The following ADAM33 variants were observed in gnomAD, a reference collection of about 807,000 sequenced individuals.
ADAM33 encodes the protein ADAM metallopeptidase domain 33, also known as disintegrin and metalloproteinase domain-containing protein 33.
ADAM33 carries 103 observed loss-of-function variants against 106.2 expected under a neutral mutation model. That is an observed-to-expected ratio of 0.97 (90% CI 0.83 to 1.14). The LOEUF is 1.14. ADAM33 is among the 50% of genes most tolerant of loss of function. The pLI is 0.00. For synonymous variants in ADAM33, 483 were observed against 453.0 expected (o/e 1.07, Z -0.84); for missense variants, 1,120 against 1,096.6 (o/e 1.02, Z -0.30).
Position 3,674,206 on chromosome 20 carries a change from G to A in ADAM33, c.666+13C>T. On this transcript the variant is annotated intron_variant, in intron 7 of 21. Transcript: ENST00000356518. ...CATCCCTGACCCCGCCAACCCCTGG[G>A]GTCTCTCCTCACCAGGGTGTGGTCT... The A allele has an allele frequency of 1.2e-6, 2 of 1,614,060 alleles. No individual in the cohort carries two copies. The highest frequency in any genetic ancestry group is 2.2e-5 in the South Asian group (2 of 91,086).
chr20:3,668,112 G>A lies in ADAM33; in HGVS notation c.*851C>T, dbSNP rs2087322124. 1 of 152,444 alleles carries A rather than the reference G, an allele frequency of 6.6e-6. No individual in the cohort carries two copies. The highest frequency in any genetic ancestry group is 1.5e-5 in the Non-Finnish European group (1 of 68,306). The allele number at this position is 152,444 out of a possible 1,614,324, so 9.4% of individuals were successfully genotyped here. ...CTGCTTCAGCCTCCTGAGCAGCTAG[G>A]CCTACAGGTACACACCACCACGCCC... is the stretch of plus-strand genomic sequence containing the variant. On this transcript the variant is annotated 3_prime_UTR_variant, in exon 22 of 22. Coordinates refer to ENST00000356518, the MANE Select transcript of ADAM33 (RefSeq NM_025220.5).
Position 3,675,034 on chromosome 20 carries a change from T to G in ADAM33, c.326A>C (p.Asn109Thr). The G allele has an allele frequency of 6.2e-7, 1 of 1,613,326 alleles. No individual in the cohort carries two copies. The highest frequency in any genetic ancestry group is 8.5e-7 in the Non-Finnish European group (1 of 1,179,858). ...PDGQPVVLAP[N>T]HTDHCHYQGR... ...CCCATGGAAGCATCTCACCGTGTGG[T>G]TGGGGGCCAGCACCACTGGCTGCCC... The change falls in exon 4 of 22, where the codon AAC (asparagine) becomes ACC (threonine). Residue 109 changes from asparagine (N) to threonine (T), a missense_variant. By Grantham distance (65) the Asn-to-Thr change is moderately conservative. Transcript: ENST00000356518. This position sits in a 1 kb window ranked among gnomAD's most constrained non-coding sequence, Gnocchi z 4.1.
intron 16 of ADAM33, 30 bp from the exon 17 acceptor site, chr20:3,671,526 G>T: frequency 6.2e-7 from 1 of 1,610,040 alleles, no homozygotes; most frequent in South Asian, 1.1e-5. Context: ...CAGTGAGGGG[G>T]ACACTGGCCT....
intron 19 of ADAM33, chr20:3,670,572 CTT>C (rs2087468112): frequency 5.7e-6 from 1 of 174,032 alleles, no homozygotes; most frequent in Admixed American, 5.5e-5. Flanking sequence ...CATTTGGGAA[CTT>C]CAAGGGGGTG....
At chr20:3,669,217 A>AG in intron 21 of ADAM33, 82 bp downstream of exon 21, 2 of 1,055,854 alleles carry the variant, frequency 1.9e-6, no homozygotes, top group Non-Finnish European at 2.6e-6. Flanking sequence ...AAACCTGATT[A>AG]GGGGGCAGCA....
intron 2 of ADAM33, 30 bp downstream of exon 2, chr20:3,679,462 C>T (rs1389655137): frequency 3.2e-5 from 51 of 1,586,968 alleles, no homozygotes; most frequent in Non-Finnish European, 4.2e-5. Context: ...TTCAGGGCCC[C>T]TGTGGAGGGC....
chr20:3,671,092 G>T lies in ADAM33; in HGVS notation c.2154C>A (p.Ala718=). 1 of 1,591,912 alleles carries T rather than the reference G, an allele frequency of 6.3e-7. No individual in the cohort carries two copies. The highest frequency in any genetic ancestry group is 8.6e-7 in the Non-Finnish European group (1 of 1,169,240). The change falls in exon 19 of 22, where the codon GCC becomes GCA. Residue 718 remains alanine (A), a synonymous_variant. Coordinates refer to ENST00000356518, the MANE Select transcript of ADAM33 (RefSeq NM_025220.5). The stretch of plus-strand genomic sequence containing the variant: ...GTCGGTAGCAACACCAGGCCAGGCC[G>T]GCCCCTGGGAGCAGAGGCAGCAGGA... ...LSVLLPLLPG[A]GLAWCCYRLP...
rs144395606 is a variant in ADAM33 at position 3,671,916 on chromosome 20, C to T, written c.1667G>A (p.Gly556Asp). 1.6e-5 allele frequency: 25 copies of T among 1,554,920 alleles called. No individual in the cohort carries two copies. The highest frequency in any genetic ancestry group is 2.2e-5 in the Non-Finnish European group (25 of 1,148,770). ...CAGGAAGTGGCCCTCGCTGTCCTGG[C>T]CGCAGTTTCCATGAGCATCTCCCGC... ...NSAGDAHGNC[G>D]QDSEGHFLPC... Residue 556 changes from glycine to aspartate, a missense_variant, in exon 15 of 22, where the codon GGC becomes GAC. Transcript: ENST00000356518.
At position 3,677,880 on chromosome 20, in the gene ADAM33, A is replaced by G. The variant is rs112049247; in HGVS notation, c.178-737T>C. ...CACCCCACTTCCCCCTTGTCCACTCAGCCTGGCTGGGGGCCCAGAGTTGGA... is the reference window on the plus strand; with the variant it reads ...CACCCCACTTCCCCCTTGTCCACTCGGCCTGGCTGGGGGCCCAGAGTTGGA... On this transcript the variant is annotated intron_variant, in intron 2 of 21. Transcript: ENST00000356518. Among the ~76,000 whole-genome samples, 12 of 152,230 alleles carry G rather than the reference A, an allele frequency of 7.9e-5. 1 individual carries two copies. The highest frequency in any genetic ancestry group is 2.9e-4 in the African/African-American group (12 of 41,564).
At chr20:3,670,696 A>C in intron 19 of ADAM33, 1 of 353,972 alleles carries the variant, frequency 2.8e-6, no homozygotes, top group Non-Finnish European at 5.2e-6. Context: ...GAGCCAGGGA[A>C]AAACAGGGCG....
intron 2 of ADAM33, among the ~76,000 whole-genome samples, chr20:3,677,736 A>G (rs1365302271): frequency 6.6e-6 from 1 of 152,192 alleles, no homozygotes; most frequent in East Asian, 1.9e-4. Flanking sequence ...CGAAGTAAAC[A>G]TGGACGCCAT....
chr20:3,669,838 C>G, intron 19 of ADAM33: 3 of 676,720 alleles, frequency 4.4e-6, no homozygotes, highest in Non-Finnish European at 8.0e-6. Flanking sequence ...AAGTGAGCCT[C>G]ATGCCCTCGG....
chr20:3,669,418 G>GC, intron 20 of ADAM33, 48 bp from the exon 21 acceptor site: 1 of 1,575,346 alleles, frequency 6.3e-7, no homozygotes, highest in Non-Finnish European at 8.6e-7. Context: ...GTCAGCAGGA[G>GC]CCCCTGGGGC....
intron 3 of ADAM33, among the ~76,000 whole-genome samples, chr20:3,676,692 G>A (rs2087992470): frequency 6.6e-6 from 1 of 152,172 alleles, no homozygotes. Flanking sequence ...GCCCGCCTCG[G>A]CCTCCCAAAG....
chr20:3,674,718 G>C (rs751096065), intron 5 of ADAM33, 25 bp from the exon 6 acceptor site: 8 of 1,595,468 alleles, frequency 5.0e-6, no homozygotes, highest in African/African-American at 1.3e-5. Flanking sequence ...GGTAGGAGCG[G>C]GTGTGAGGGA....
chr20:3,672,906 C>A lies in ADAM33; in HGVS notation c.1134-8G>T. The A allele has an allele frequency of 6.4e-7, 1 of 1,558,296 alleles. No individual in the cohort carries two copies. The highest frequency in any genetic ancestry group is 1.2e-5 in the South Asian group (1 of 85,446). On this transcript the variant is annotated splice_region_variant and splice_polypyrimidine_tract_variant and intron_variant, in intron 11 of 21. Coordinates refer to ENST00000356518, the MANE Select transcript of ADAM33 (RefSeq NM_025220.5). ...ACGCGCGGAAACGGGTGCCTACCGG[C>A]ACGGGGAGGGCATTGGGCATGGAGG...
Position 3,672,293 on chromosome 20 carries a change from C to T in ADAM33, c.1438G>A (p.Gly480Ser). Residue 480 changes from glycine to serine, a missense_variant, in exon 14 of 22, where the codon GGT becomes AGT. Transcript: ENST00000356518. ...PAGALCRQAM[G>S]DCDLPEFCTG... ...CAAAACTCAGGGAGGTCACAGTCAC[C>T]CATGGCCTGGCGGCACAGCGCTCCA... 1 of 1,613,260 alleles carries T rather than the reference C, an allele frequency of 6.2e-7. No homozygotes were observed. The highest frequency in any genetic ancestry group is 8.5e-7 in the Non-Finnish European group (1 of 1,179,974).
At position 3,671,286 on chromosome 20, in the gene ADAM33, G is replaced by C; in HGVS notation, c.2043C>G (p.Asp681Glu). The C allele has an allele frequency of 6.2e-7, 1 of 1,613,900 alleles. No individual in the cohort carries two copies. Among genetic ancestry groups the C allele is most frequent in the Non-Finnish European group, 8.5e-7 (1 of 1,180,010 alleles). ...CAPGWAPPFCDKPGFGGSMDS... is the reference protein window; with the variant it reads ...CAPGWAPPFCEKPGFGGSMDS... ...CCATGCTGCCACCAAAGCCTGGCTTGTCACAGAAGGGTGGAGCCCAGCCTG... is the reference window on the plus strand; with the variant it reads ...CCATGCTGCCACCAAAGCCTGGCTTCTCACAGAAGGGTGGAGCCCAGCCTG... Residue 681 changes from aspartate (D) to glutamate (E), a missense_variant, in exon 18 of 22, where the codon GAC becomes GAG. Transcript: ENST00000356518.
At chr20:3,669,888 C>T (rs1486677081) in intron 19 of ADAM33, 1 of 388,040 alleles carries the variant, frequency 2.6e-6, no homozygotes, top group African/African-American at 6.6e-5. Flanking sequence ...TTCCTCCAGG[C>T]TCTGACAGCA....
Sources: gnomAD v4.1 joint callset for allele counts (sites outside exome capture counted in the v4.1 genomes callset) on GRCh38, gnomAD v4.1.1 for gene constraint, Gnocchi (gnomAD v3.1) non-coding constraint, MANE v1.5 for transcripts, NCBI Gene and HGNC (gene_info 2026-07-23, HGNC 2026-07-21) for gene names.